Variants in DNAH9 observed in about 807,000 individuals in gnomAD.
DNAH9 encodes the protein DNAH9 variant protein.
In DNAH9, 345 loss-of-function variants were observed where a neutral mutation model predicts 471.6. That is an observed-to-expected ratio of 0.73 (90% CI 0.67 to 0.80). The LOEUF is 0.80. Ranked by LOEUF, DNAH9 falls within the 30% of genes least tolerant of loss-of-function variation. The pLI is 0.00. For missense variants in DNAH9, 5,407 were observed against 5,609.2 expected, an observed-to-expected ratio of 0.96 and a Z score of 1.15; for synonymous variants, 2,093 against 2,123.6, an observed-to-expected ratio of 0.99 and a Z score of 0.40.
At chr17:11,858,630 T>A (rs150776181) in intron 50 of DNAH9, among the ~76,000 whole-genome samples, 122 of 152,332 alleles carry the variant, frequency 8.0e-4, no homozygotes, top group African/African-American at 2.8e-3. Context: ...CTGACTTCTG[T>A]CCATGTGTTA....
intron 27 of DNAH9, among the ~76,000 whole-genome samples, chr17:11,723,737 A>G (rs2150808196): frequency 6.6e-6 from 1 of 151,588 alleles, no homozygotes; most frequent in South Asian, 2.1e-4. Flanking sequence ...GCACGATCTC[A>G]GCTCACTGCA....
At chr17:11,784,263 A>C (rs1389684072) in intron 40 of DNAH9, 37 bp from the exon 41 acceptor site, 2 of 1,608,932 alleles carry the variant, frequency 1.2e-6, no homozygotes, top group Non-Finnish European at 1.7e-6. Context: ...ACTCCGTGGT[A>C]ACGGATGTTG....
intron 42 of DNAH9, among the ~76,000 whole-genome samples, chr17:11,795,285 G>A (rs1003667090): frequency 2.0e-5 from 3 of 152,008 alleles, no homozygotes; most frequent in Non-Finnish European, 2.9e-5. Context: ...TCTTAGCGTC[G>A]AAATTACCCC....
chr17:11,627,902 G>A (rs1248503904), intron 6 of DNAH9, among the ~76,000 whole-genome samples: 1 of 152,182 alleles, frequency 6.6e-6, no homozygotes, highest in African/African-American at 2.4e-5. Context: ...GAGTTGGTGT[G>A]TCCCAGCAGG....
Position 11,686,962 on chromosome 17 carries a change from C to A in DNAH9, c.3744-2604C>A, listed in dbSNP as rs529906394. Among the ~76,000 whole-genome samples, 10 of 152,276 alleles carry A rather than the reference C, an allele frequency of 6.6e-5. No homozygotes were observed. In the East Asian group the frequency reaches 1.9e-3, roughly 29 times the overall value. On this transcript the variant is annotated intron_variant, in intron 19 of 68. Coordinates refer to ENST00000262442, the MANE Select transcript of DNAH9 (RefSeq NM_001372.4). ...ACTCTAGTCAAGATAAAAAGTGGAA[C>A]CTACACACACCAACGATTAGTCTTT...
chr17:11,704,582 CTT>C (rs34814778), intron 25 of DNAH9, 140 bp downstream of exon 25: 18,187 of 511,868 alleles, frequency 0.036, no homozygotes, highest in South Asian at 0.051. Context: ...GCTGCTCCTA[CTT>C]TTTTTTTTTT....
intron 29 of DNAH9, 101 bp from the exon 30 acceptor site, chr17:11,742,074 T>C: frequency 9.7e-7 from 1 of 1,030,338 alleles, no homozygotes; most frequent in Non-Finnish European, 1.5e-6. Context: ...CACTCACAGA[T>C]GCCTCCATGT....
intron 49 of DNAH9, among the ~76,000 whole-genome samples, chr17:11,852,862 G>C (rs1597735296): frequency 1.0e-5 from 1 of 97,406 alleles, no homozygotes; most frequent in African/African-American, 3.7e-5. Context: ...ATATATATAT[G>C]AAAGTGTGTA....
At chr17:11,968,291 TCTGTTA>T (rs1294098272) in intron 68 of DNAH9, among the ~76,000 whole-genome samples, 1 of 152,206 alleles carries the variant, frequency 6.6e-6, no homozygotes, top group Non-Finnish European at 1.5e-5. Context: ...TTACCTTAAT[TCTGTTA>T]CTCACCATCC....
chr17:11,919,967 A>G (rs1437418644), intron 61 of DNAH9, among the ~76,000 whole-genome samples: 2 of 152,020 alleles, frequency 1.3e-5, no homozygotes, highest in African/African-American at 4.8e-5. Context: ...ACAGATCTCC[A>G]TGATGGGAGA....
intron 15 of DNAH9, among the ~76,000 whole-genome samples, chr17:11,668,123 A>G (rs1404721254): frequency 2.0e-5 from 3 of 152,366 alleles, no homozygotes; most frequent in South Asian, 4.1e-4. Context: ...AAGTTGACCT[A>G]GTAAGTAATC....
At chr17:11,759,966 G>A (rs544238134) in intron 35 of DNAH9, among the ~76,000 whole-genome samples, 24 of 152,188 alleles carry the variant, frequency 1.6e-4, no homozygotes, top group Admixed American at 3.3e-4. Context: ...GATTACAGGC[G>A]TGAGCCACCG....
chr17:11,884,597 G>A (rs940616049), intron 56 of DNAH9: 13 of 456,012 alleles, frequency 2.9e-5, no homozygotes, highest in African/African-American at 2.2e-4. Flanking sequence ...TAGGAAATAT[G>A]AAAAGCAATG....
rs955220070 is a variant in DNAH9, at chr17:11,808,751, C to T, written c.8583+857C>T. On this transcript the variant is annotated intron_variant, in intron 44 of 68. Coordinates refer to ENST00000262442, the MANE Select transcript of DNAH9 (RefSeq NM_001372.4). ...CTCAACTTTTACTCTATATGGGAAT[C>T]GCTGGGGATCTAGAAAGAATACTGA... Among the ~76,000 whole-genome samples, 8 of 152,186 alleles carry T rather than the reference C, an allele frequency of 5.3e-5. No individual in the cohort carries two copies. The East Asian group carries it at 7.7e-4, about 15-fold the overall frequency.
chr17:11,619,069 G>C (rs1337744876), intron 5 of DNAH9, among the ~76,000 whole-genome samples: 1 of 152,254 alleles, frequency 6.6e-6, no homozygotes, highest in Non-Finnish European at 1.5e-5. Flanking sequence ...GACTTGCAAT[G>C]TGGCCTTAGA....
chr17:11,607,357 G>A (rs2072529861), intron 1 of DNAH9, among the ~76,000 whole-genome samples: 1 of 152,128 alleles, frequency 6.6e-6, no homozygotes, highest in Non-Finnish European at 1.5e-5. Flanking sequence ...GCCACATGGG[G>A]ATTGCTCTTG....
chr17:11,719,779 C>A (rs1261297286), intron 27 of DNAH9, among the ~76,000 whole-genome samples: 6 of 152,174 alleles, frequency 3.9e-5, no homozygotes, highest in Admixed American at 2.6e-4. Flanking sequence ...TTGGATCTTT[C>A]TTTTATTACC....
chr17:11,705,245 G>A lies in DNAH9; in HGVS notation c.5552+60G>A, dbSNP rs899269041. The A allele has an allele frequency of 1.9e-5, 28 of 1,480,608 alleles. No homozygotes were observed. In the East Asian group the frequency reaches 6.4e-4, roughly 34 times the overall value. The allele number at this position is 1,480,608 out of a possible 1,614,324, so 91.7% of individuals were successfully genotyped here. On this transcript the variant is annotated intron_variant, in intron 26 of 68. Transcript: ENST00000262442. ...GCTGTCTGGTTCAGGCCAGCTAGTG[G>A]GCATCTAGGGTCAAAGTCCCTGTCA... is the stretch of plus-strand genomic sequence containing the variant.
chr17:11,727,970 C>T (rs763146742), intron 28 of DNAH9, 48 bp downstream of exon 28: 1 of 1,196,304 alleles, frequency 8.4e-7, no homozygotes, highest in South Asian at 1.2e-5. Context: ...ATATTGATTA[C>T]TGCGGAAGTC....
Sources: gnomAD v4.1 joint callset for allele counts (sites outside exome capture counted in the v4.1 genomes callset) on GRCh38, gnomAD v4.1.1 for gene constraint, MANE v1.5 for transcripts, NCBI Gene and HGNC (gene_info 2026-07-23, HGNC 2026-07-21) for gene names.